The following PTPRD variants were observed in gnomAD, a reference collection of about 807,000 sequenced individuals.
PTPRD encodes the protein receptor-type tyrosine-protein phosphatase delta.
A neutral mutation model predicts 214.5 loss-of-function variants in PTPRD; 34 were observed. That is an observed-to-expected ratio of 0.16 (90% CI 0.12 to 0.21). The LOEUF is 0.21. Ranked by LOEUF, PTPRD falls within the 10% of genes least tolerant of loss-of-function variation. The pLI is 1.00. For synonymous variants in PTPRD, 1,128 were observed against 845.7 expected, an observed-to-expected ratio of 1.33 and a Z score of -5.79; for missense variants, 2,545 against 2,398.7, an observed-to-expected ratio of 1.06 and a Z score of -1.27.
chr9:9,603,575 A>C lies in PTPRD; in HGVS notation c.-286-28794T>G, dbSNP rs534005542. Among the ~76,000 whole-genome samples the C allele has an allele frequency of 3.3e-5, 5 of 152,292 alleles. No individual in the cohort carries two copies. The South Asian group carries it at 1.0e-3, about 32-fold the overall frequency. On this transcript the variant is annotated intron_variant, in intron 7 of 45. Coordinates refer to ENST00000381196, the MANE Select transcript of PTPRD (RefSeq NM_002839.4). ...CCACCTGAGCTCCACCTCCTGTGCC[A>C]TCAGCAGTGACATTAAAGTCTGTAT...
At chr9:10,418,376 G>C (rs1453542575) in intron 2 of PTPRD, among the ~76,000 whole-genome samples, 2 of 148,448 alleles carry the variant, frequency 1.3e-5, no homozygotes, top group East Asian at 2.1e-4. Flanking sequence ...ACAGAAAGTA[G>C]GATTCCATTG....
intron 9 of PTPRD, among the ~76,000 whole-genome samples, chr9:9,208,643 C>T (rs2099946521): frequency 6.6e-6 from 1 of 151,746 alleles, no homozygotes; most frequent in East Asian, 1.9e-4. Flanking sequence ...CTTAAGTGAA[C>T]CAATTAGTAT....
At chr9:8,470,945 C>A (rs2134921567) in intron 31 of PTPRD, 50 bp downstream of exon 31, 1 of 1,521,084 alleles carries the variant, frequency 6.6e-7, no homozygotes, top group South Asian at 1.1e-5. Flanking sequence ...GGCGGAAATG[C>A]AGCAGATTAA....
At chr9:10,085,217 A>G (rs965371315) in intron 3 of PTPRD, among the ~76,000 whole-genome samples, 1 of 151,894 alleles carries the variant, frequency 6.6e-6, no homozygotes, top group Non-Finnish European at 1.5e-5. Context: ...ATAAGTATAT[A>G]CCAATTTTGA....
chr9:8,410,000 C>T (rs1360594329), intron 35 of PTPRD, among the ~76,000 whole-genome samples: 4 of 152,150 alleles, frequency 2.6e-5, no homozygotes, highest in African/African-American at 9.7e-5. Flanking sequence ...GTGGTTGGCT[C>T]TGAGATATTC....
chr9:8,513,322 A>G (rs1373736257), intron 21 of PTPRD, among the ~76,000 whole-genome samples: 1 of 152,042 alleles, frequency 6.6e-6, no homozygotes, highest in East Asian at 1.9e-4. Context: ...AGAAATACAC[A>G]AATTTACATC....
At chr9:9,481,694 G>A (rs913194346) in intron 8 of PTPRD, among the ~76,000 whole-genome samples, 1 of 151,852 alleles carries the variant, frequency 6.6e-6, no homozygotes, top group Non-Finnish European at 1.5e-5. Flanking sequence ...AAAATGCCTA[G>A]AGCTCGCAAA....
intron 2 of PTPRD, among the ~76,000 whole-genome samples, chr9:10,411,826 A>G (rs114660142): frequency 0.017 from 2,607 of 151,944 alleles, 65 homozygotes; most frequent in African/African-American, 0.059. Flanking sequence ...TGATCAAGTT[A>G]AAACATTAAA....
intron 7 of PTPRD, among the ~76,000 whole-genome samples, chr9:9,629,642 T>C (rs1258602244): frequency 6.6e-6 from 1 of 152,178 alleles, no homozygotes; most frequent in African/African-American, 2.4e-5. Context: ...GATAACTTGA[T>C]CTAACAGATA....
chr9:9,577,457 T>TG (rs2089269942), intron 7 of PTPRD, among the ~76,000 whole-genome samples: 2 of 151,962 alleles, frequency 1.3e-5, no homozygotes, highest in South Asian at 4.1e-4. Context: ...CCCAGCCACT[T>TG]GGGGGCTTAG....
chr9:8,461,555 C>T lies in PTPRD; in HGVS notation c.3715-984G>A, dbSNP rs113214602. Reference sequence around the variant, plus strand: ...TAATCCATATCCACTAACTGCCCTGCTTCTACCACTCACTCCTCATCTCTT... The same window carrying T: ...TAATCCATATCCACTAACTGCCCTGTTTCTACCACTCACTCCTCATCTCTT... On this transcript the variant is annotated intron_variant, in intron 32 of 45. Transcript: ENST00000381196. Among the ~76,000 whole-genome samples the T allele has an allele frequency of 7.7e-3, 1,164 of 151,990 alleles. 16 individuals carry two copies. The highest frequency in any genetic ancestry group is 0.026 in the African/African-American group (1,090 of 41,498).
intron 22 of PTPRD, among the ~76,000 whole-genome samples, chr9:8,505,877 T>C (rs1246304934): frequency 2.0e-5 from 3 of 152,172 alleles, no homozygotes; most frequent in African/African-American, 7.2e-5. Context: ...GCCTGTATTT[T>C]AGTTTGGTGG....
intron 40 of PTPRD, 63 bp from the exon 41 acceptor site, chr9:8,341,331 A>G: frequency 6.7e-7 from 1 of 1,484,212 alleles, no homozygotes; most frequent in Non-Finnish European, 9.0e-7. Context: ...CTACAGTTTG[A>G]ATGCAGTGTA....
intron 11 of PTPRD, among the ~76,000 whole-genome samples, chr9:9,002,837 A>G (rs1405054794): frequency 1.3e-5 from 2 of 152,056 alleles, no homozygotes; most frequent in East Asian, 3.9e-4. Context: ...CCCATCAAGT[A>G]AGGGTCACCA....
chr9:9,712,202 A>G (rs1028407898), intron 7 of PTPRD, among the ~76,000 whole-genome samples: 5 of 152,322 alleles, frequency 3.3e-5, no homozygotes, highest in African/African-American at 1.2e-4. Flanking sequence ...TACTTTATCA[A>G]TGAACATTAA....
intron 10 of PTPRD, among the ~76,000 whole-genome samples, chr9:9,066,328 A>T (rs1429801663): frequency 6.6e-6 from 1 of 152,092 alleles, no homozygotes; most frequent in African/African-American, 2.4e-5. Context: ...TTTAAAAAAC[A>T]TATTTAACCT....
chr9:8,687,959 T>C (rs1186517347), intron 12 of PTPRD, among the ~76,000 whole-genome samples: 4 of 152,226 alleles, frequency 2.6e-5, no homozygotes, highest in African/African-American at 9.6e-5. Context: ...AATTGAGTTA[T>C]ATCACTTTTA....
intron 8 of PTPRD, among the ~76,000 whole-genome samples, chr9:9,471,031 G>T (rs7851503): frequency 1.6e-4 from 24 of 152,234 alleles, no homozygotes; most frequent in African/African-American, 5.5e-4. Context: ...GGAAATATCA[G>T]GTTGTAACAT....
intron 14 of PTPRD, among the ~76,000 whole-genome samples, chr9:8,604,139 G>C (rs2095055763): frequency 6.6e-6 from 1 of 152,134 alleles, no homozygotes; most frequent in African/African-American, 2.4e-5. Context: ...TGTAAAGTAA[G>C]GAACTCAAAA....
Sources: allele counts gnomAD v4.1 joint callset (sites outside exome capture counted in the v4.1 genomes callset), GRCh38; gene constraint gnomAD v4.1.1; transcripts MANE v1.5; gene names NCBI Gene and HGNC (gene_info 2026-07-23, HGNC 2026-07-21).